Variants in PPP1R12B observed in about 807,000 individuals in gnomAD.
PPP1R12B encodes myosin phosphatase target subunit 2.
Under a neutral mutation model 126.1 loss-of-function variants are expected in PPP1R12B, and 76 were observed. The observed-to-expected ratio is 0.60, with a 90% CI of 0.50 to 0.73. The LOEUF (loss-of-function observed/expected upper bound fraction) is 0.73, where lower values mean the gene tolerates loss of function less well. Among genes scored for constraint, PPP1R12B ranks in the 30% least tolerant of loss-of-function variants. The probability of loss-of-function intolerance (pLI) is 0.00; values close to 1 mark genes in which losing one functional copy is unlikely to be tolerated. For missense variants in PPP1R12B, 1,052 were observed against 1,205.1 expected (o/e 0.87, Z 1.88); for synonymous variants, 356 against 434.7 (o/e 0.82, Z 2.25).
chr1:202,475,337 C>T (rs546721353), intron 13 of PPP1R12B, among the ~76,000 whole-genome samples: 57 of 152,202 alleles, frequency 3.7e-4, no homozygotes, highest in Non-Finnish European at 6.3e-4. Context: ...AGCATGTTGA[C>T]GGAAATTTCT....
At chr1:202,362,428 A>C (rs1658378152) in intron 1 of PPP1R12B, among the ~76,000 whole-genome samples, 1 of 152,220 alleles carries the variant, frequency 6.6e-6, no homozygotes, top group Non-Finnish European at 1.5e-5. Context: ...TTCCTACAGC[A>C]CAAGGACTCT....
At chr1:202,515,453 G>A (rs1682025374) in intron 18 of PPP1R12B, among the ~76,000 whole-genome samples, 1 of 152,174 alleles carries the variant, frequency 6.6e-6, no homozygotes, top group Non-Finnish European at 1.5e-5. Flanking sequence ...CTAGCTTTAG[G>A]CATAGCTAAA....
chr1:202,519,486 G>A (rs1323720741), intron 18 of PPP1R12B, among the ~76,000 whole-genome samples: 1 of 151,984 alleles, frequency 6.6e-6, no homozygotes, highest in Admixed American at 6.5e-5. Context: ...TGGCCAGGCT[G>A]ATCTCAAGCT....
At chr1:202,374,495 T>C (rs371003010) in intron 1 of PPP1R12B, among the ~76,000 whole-genome samples, 1 of 132,696 alleles carries the variant, frequency 7.5e-6, no homozygotes, top group East Asian at 2.2e-4. Context: ...GTCTCTCTCT[T>C]TTTTTTTTTT....
At chr1:202,385,057 T>G (rs1280266748) in intron 1 of PPP1R12B, among the ~76,000 whole-genome samples, 1 of 152,224 alleles carries the variant, frequency 6.6e-6, no homozygotes, top group Non-Finnish European at 1.5e-5. Flanking sequence ...GGCTCTTGAT[T>G]ATTGCTGCTT....
chr1:202,532,244 G>A (rs975527518), intron 18 of PPP1R12B, among the ~76,000 whole-genome samples: 1 of 152,170 alleles, frequency 6.6e-6, no homozygotes, highest in Non-Finnish European at 1.5e-5. Flanking sequence ...TCATGAGGAC[G>A]AACAGAGGTC....
intron 17 of PPP1R12B, 22 bp downstream of exon 17, chr1:202,495,704 G>C (rs1425706180): frequency 6.3e-7 from 1 of 1,591,178 alleles, no homozygotes; most frequent in African/African-American, 1.3e-5. Context: ...GGTCTGTGCT[G>C]AGGCATATCA....
At chr1:202,416,970 A>C in intron 2 of PPP1R12B, 53 bp downstream of exon 2, 4 of 1,556,402 alleles carry the variant, frequency 2.6e-6, no homozygotes, top group Non-Finnish European at 3.5e-6. Context: ...AATAGCCTTC[A>C]TTTCTCCTCT....
intron 1 of PPP1R12B, among the ~76,000 whole-genome samples, chr1:202,367,158 T>C (rs1324193860): frequency 2.6e-5 from 4 of 152,224 alleles, no homozygotes; most frequent in African/African-American, 9.6e-5. Flanking sequence ...TTTAGAACAA[T>C]AAATGATTGG....
At chr1:202,474,480 G>C (rs549964332) in intron 13 of PPP1R12B, among the ~76,000 whole-genome samples, 1 of 152,232 alleles carries the variant, frequency 6.6e-6, no homozygotes, top group East Asian at 1.9e-4. Flanking sequence ...GTTTCACTGT[G>C]TTGGCCAGAA....
intron 1 of PPP1R12B, among the ~76,000 whole-genome samples, chr1:202,404,337 A>G (rs1264523272): frequency 6.6e-6 from 1 of 152,038 alleles, no homozygotes; most frequent in Admixed American, 6.6e-5. Flanking sequence ...TAGTCTATGC[A>G]TGCATAGAAT....
intron 18 of PPP1R12B, among the ~76,000 whole-genome samples, chr1:202,500,218 G>GCTCTCTCTCTCT (rs151303629): frequency 2.7e-5 from 4 of 146,158 alleles, no homozygotes; most frequent in African/African-American, 1.0e-4. Context: ...TCTCTCTCTT[G>GCTCTCTCTCTCT]CTCTCTCTCT....
intron 13 of PPP1R12B, among the ~76,000 whole-genome samples, chr1:202,461,193 TA>T (rs992206751): frequency 5.1e-3 from 704 of 137,186 alleles, no homozygotes; most frequent in East Asian, 8.1e-3. Context: ...CCCATCTCTT[TA>T]AAAAAAAAAA....
chr1:202,490,454 T>TTTTTG (rs1369664580), intron 14 of PPP1R12B, among the ~76,000 whole-genome samples: 1 of 152,224 alleles, frequency 6.6e-6, no homozygotes, highest in East Asian at 1.9e-4. Flanking sequence ...CAAGACTGTT[T>TTTTTG]TTTTGTTTTG....
chr1:202,505,739 T>TG (rs1163590494), intron 18 of PPP1R12B, among the ~76,000 whole-genome samples: 2 of 152,192 alleles, frequency 1.3e-5, no homozygotes, highest in Non-Finnish European at 2.9e-5. Flanking sequence ...TATTTTTTTT[T>TG]GCAGTATATT....
chr1:202,482,666 A>G (rs1185649847), intron 13 of PPP1R12B, among the ~76,000 whole-genome samples: 1 of 152,152 alleles, frequency 6.6e-6, no homozygotes, highest in Non-Finnish European at 1.5e-5. Flanking sequence ...TATAGTTTGC[A>G]AATTTTCTTT....
chr1:202,354,187 C>A (rs992392811), intron 1 of PPP1R12B, among the ~76,000 whole-genome samples: 1 of 152,002 alleles, frequency 6.6e-6, no homozygotes, highest in African/African-American at 2.4e-5. Context: ...TTGACAAATG[C>A]GTACAGTTGT....
At chr1:202,495,052 T>C (rs1679366294) in intron 15 of PPP1R12B, among the ~76,000 whole-genome samples, 1 of 152,006 alleles carries the variant, frequency 6.6e-6, no homozygotes, top group African/African-American at 2.4e-5. Context: ...TTGCTTGAAC[T>C]GCTCTCAACA....
At chr1:202,382,594 T>C (rs1289852581) in intron 1 of PPP1R12B, among the ~76,000 whole-genome samples, 1 of 151,736 alleles carries the variant, frequency 6.6e-6, no homozygotes. Context: ...AAATTGACTG[T>C]GGCTGGGCAT....
Sources: gnomAD v4.1 joint callset for allele counts (sites outside exome capture counted in the v4.1 genomes callset) on GRCh38, gnomAD v4.1.1 for gene constraint, MANE v1.5 for transcripts, NCBI Gene and HGNC (gene_info 2026-07-23, HGNC 2026-07-21) for gene names.